DACH2: variants seen among roughly 807,000 people sequenced by gnomAD.
DACH2 encodes the protein dachshund family transcription factor 2, also known as dachshund homolog 2.
A neutral mutation model predicts 35.8 loss-of-function variants in DACH2; 17 were observed. The observed-to-expected ratio is 0.48, with a 90% CI of 0.33 to 0.71. The LOEUF (loss-of-function observed/expected upper bound fraction) is 0.71. Among genes scored for constraint, DACH2 ranks in the 30% least tolerant of loss-of-function variants. The pLI, the probability that DACH2 is intolerant of heterozygous loss-of-function variation, is 0.02. For synonymous variants in DACH2, 195 were observed against 177.3 expected (o/e 1.10, Z -0.79); for missense variants, 469 against 472.7 (o/e 0.99, Z 0.07).
At chrX:86,580,503 G>A (rs1362168488) in intron 3 of DACH2, among the ~76,000 whole-genome samples, 1 of 111,741 alleles carries the variant, frequency 8.9e-6, no homozygotes, top group Non-Finnish European at 1.9e-5. Context: ...AAAAATAACA[G>A]AGGAGATGAA....
chrX:86,292,006 G>C (rs1231243271), intron 1 of DACH2, among the ~76,000 whole-genome samples: 1 of 68,256 alleles, frequency 1.5e-5, no homozygotes, highest in Non-Finnish European at 2.6e-5. Context: ...AATGGTATGA[G>C]TTCCTGCTTG....
intron 2 of DACH2, among the ~76,000 whole-genome samples, chrX:86,402,908 G>T (rs2036459925): frequency 1.8e-5 from 2 of 111,671 alleles, no homozygotes; most frequent in South Asian, 7.4e-4. Context: ...ATCTTTTTAA[G>T]GCTGACAAAA....
chrX:86,775,309 G>C (rs1602932129), intron 7 of DACH2, among the ~76,000 whole-genome samples: 1 of 111,253 alleles, frequency 9.0e-6, no homozygotes, highest in East Asian at 2.9e-4. Flanking sequence ...CAGGTCTGTG[G>C]CCTGTTAGGG....
intron 3 of DACH2, among the ~76,000 whole-genome samples, chrX:86,520,421 G>A (rs767922375): frequency 1.8e-5 from 2 of 111,371 alleles, no homozygotes; most frequent in Non-Finnish European, 3.8e-5. Flanking sequence ...ATCAGACCCA[G>A]TTGGTCCAAA....
intron 1 of DACH2, among the ~76,000 whole-genome samples, chrX:86,265,909 T>C (rs1191664422): frequency 9.0e-6 from 1 of 111,194 alleles, no homozygotes; most frequent in Non-Finnish European, 1.9e-5. Flanking sequence ...GGTATGATCA[T>C]GTTATTTATG....
chrX:86,796,400 A>G (rs2042239607), intron 7 of DACH2, among the ~76,000 whole-genome samples: 1 of 111,832 alleles, frequency 8.9e-6, no homozygotes. Flanking sequence ...TCCCCACTCA[A>G]CCCAGGAAGT....
At chrX:86,630,548 G>A (rs979324763) in intron 3 of DACH2, among the ~76,000 whole-genome samples, 1 of 110,930 alleles carries the variant, frequency 9.0e-6, no homozygotes, top group South Asian at 3.8e-4. Flanking sequence ...TTTTTAAATA[G>A]ATGCTCTTTT....
chrX:86,438,218 G>GT (rs1238511934), intron 2 of DACH2, among the ~76,000 whole-genome samples: 2,399 of 97,689 alleles, frequency 0.025, 49 homozygotes, highest in East Asian at 0.17. Flanking sequence ...TGATCTCGTA[G>GT]GTTTTTTTTT....
chrX:86,694,932 A>G (rs901347730), intron 4 of DACH2, 89 bp from the exon 5 acceptor site: 2 of 654,286 alleles, frequency 3.1e-6, no homozygotes, highest in African/African-American at 2.3e-5. Flanking sequence ...AAGAGGTAGT[A>G]TTCATGATTA....
At chrX:86,710,013 G>A (rs1215257015) in intron 5 of DACH2, among the ~76,000 whole-genome samples, 1 of 111,684 alleles carries the variant, frequency 9.0e-6, no homozygotes, top group Non-Finnish European at 1.9e-5. Context: ...ACATAGTCCT[G>A]TATTTATACA....
At chrX:86,635,366 G>A (rs6623745) in intron 3 of DACH2, among the ~76,000 whole-genome samples, 9,609 of 104,921 alleles carry the variant, frequency 0.092, 491 homozygotes, top group South Asian at 0.34. Flanking sequence ...ACTAGGTATT[G>A]AAGGAGCATA....
At chrX:86,827,790 A>C (rs1468543300) in intron 11 of DACH2, 3 of 1,164,277 alleles carry the variant, frequency 2.6e-6, no homozygotes, top group Non-Finnish European at 3.4e-6. Flanking sequence ...CCGGAACTCC[A>C]ACTGATCATA....
intron 11 of DACH2, among the ~76,000 whole-genome samples, chrX:86,824,581 A>G (rs2042544988): frequency 8.9e-6 from 1 of 112,206 alleles, no homozygotes; most frequent in Non-Finnish European, 1.9e-5. Context: ...AGAAATTATG[A>G]AAGTATCATT....
chrX:86,639,340 T>A (rs970081494), intron 3 of DACH2, among the ~76,000 whole-genome samples: 55 of 111,423 alleles, frequency 4.9e-4, no homozygotes, highest in African/African-American at 1.5e-3. Context: ...AACACTCAGG[T>A]CAGGATATGT....
intron 1 of DACH2, among the ~76,000 whole-genome samples, chrX:86,213,225 G>A (rs764530115): frequency 8.1e-5 from 9 of 111,529 alleles, no homozygotes; most frequent in African/African-American, 2.6e-4. Flanking sequence ...TAAAGGTAGC[G>A]TAGGCCCTCG....
intron 1 of DACH2, chrX:86,160,531 G>A: frequency 1.9e-6 from 1 of 527,238 alleles, no homozygotes. Flanking sequence ...GAGCCATGTG[G>A]CAATCCAGTA....
chrX:86,633,478 CA>C (rs889960549), intron 3 of DACH2, among the ~76,000 whole-genome samples: 1 of 111,300 alleles, frequency 9.0e-6, no homozygotes, highest in East Asian at 2.8e-4. Flanking sequence ...GCGACACACA[CA>C]AAAAAATCCT....
intron 1 of DACH2, among the ~76,000 whole-genome samples, chrX:86,323,332 G>A (rs1287649927): frequency 8.9e-6 from 1 of 111,981 alleles, no homozygotes; most frequent in African/African-American, 3.3e-5. Context: ...CACTGGGGTA[G>A]GGAGTAACCT....
chrX:86,669,820 C>G (rs746007415), intron 4 of DACH2, among the ~76,000 whole-genome samples: 1 of 111,191 alleles, frequency 9.0e-6, no homozygotes, highest in Non-Finnish European at 1.9e-5. Flanking sequence ...TGACTCTGCT[C>G]ACACTGCCAA....
Sources: allele counts gnomAD v4.1 joint callset (sites outside exome capture counted in the v4.1 genomes callset), GRCh38; gene constraint gnomAD v4.1.1; transcripts MANE v1.5; gene names NCBI Gene and HGNC (gene_info 2026-07-23, HGNC 2026-07-21).